PPM1L: variants seen among roughly 807,000 people sequenced by gnomAD.
PPM1L encodes protein phosphatase 1L.
A neutral mutation model predicts 31.4 loss-of-function variants in PPM1L; 13 were observed. That is an observed-to-expected ratio of 0.41 (90% CI 0.27 to 0.66). The LOEUF (loss-of-function observed/expected upper bound fraction) is 0.66. Ranked by LOEUF, PPM1L falls within the 30% of genes least tolerant of loss-of-function variation. The pLI is 0.29. For missense variants in PPM1L, 326 were observed against 453.7 expected (o/e 0.72, Z 2.56); for synonymous variants, 184 against 175.4 (o/e 1.05, Z -0.39).
rs146359556 is a variant in PPM1L at position 161,005,264 on chromosome 3, A to T, written c.574+43354A>T. Among the ~76,000 whole-genome samples, 340 of 152,186 alleles carry T rather than the reference A, an allele frequency of 2.2e-3. 2 individuals are homozygous for T. The highest frequency in any genetic ancestry group is 0.01 in the Middle Eastern group (3 of 294). On this transcript the variant is annotated intron_variant, in intron 2 of 3. Transcript: ENST00000498165. The stretch of plus-strand genomic sequence containing the variant: ...GAGTTCTAGTTTGATTGCACTGTGG[A>T]TCTTTCTAATTTATTTATTCACCCA...
intron 1 of PPM1L, among the ~76,000 whole-genome samples, chr3:160,891,795 C>T (rs1713155452): frequency 6.6e-6 from 1 of 152,198 alleles, no homozygotes; most frequent in South Asian, 2.1e-4. Context: ...GGTACATGTA[C>T]ACCATGGAAT....
chr3:160,926,093 G>T (rs1714577529), intron 1 of PPM1L, among the ~76,000 whole-genome samples: 2 of 152,050 alleles, frequency 1.3e-5, no homozygotes, highest in African/African-American at 2.4e-5. Context: ...CCTGGCAGAG[G>T]GTCTCCTTCA....
intron 2 of PPM1L, among the ~76,000 whole-genome samples, chr3:161,062,816 C>T (rs570759774): frequency 6.6e-6 from 1 of 152,284 alleles, no homozygotes; most frequent in East Asian, 1.9e-4. Context: ...CTCCCCTTCC[C>T]TCTCATGGAG....
At chr3:160,929,214 C>T (rs1303236428) in intron 1 of PPM1L, among the ~76,000 whole-genome samples, 3 of 152,118 alleles carry the variant, frequency 2.0e-5, no homozygotes, top group African/African-American at 7.2e-5. Context: ...AAGCTCCTCC[C>T]TACCCCAAAA....
chr3:160,785,850 A>G (rs1413469006), intron 1 of PPM1L, among the ~76,000 whole-genome samples: 2 of 113,686 alleles, frequency 1.8e-5, no homozygotes, highest in East Asian at 2.5e-4. Context: ...TTTTTTTTTT[A>G]CATATGTCTT....
At chr3:161,061,307 A>G (rs1719563062) in intron 2 of PPM1L, among the ~76,000 whole-genome samples, 1 of 152,114 alleles carries the variant, frequency 6.6e-6, no homozygotes, top group African/African-American at 2.4e-5. Flanking sequence ...ACCACCTATA[A>G]CTCATAACCC....
At chr3:160,766,115 G>A (rs1715095132) in intron 1 of PPM1L, among the ~76,000 whole-genome samples, 2 of 152,148 alleles carry the variant, frequency 1.3e-5, no homozygotes, top group Non-Finnish European at 2.9e-5. Context: ...TTATTGTAAT[G>A]ATAATCCCTT....
chr3:160,874,178 C>T (rs759043704), intron 1 of PPM1L, among the ~76,000 whole-genome samples: 1 of 151,994 alleles, frequency 6.6e-6, no homozygotes, highest in Admixed American at 6.5e-5. Flanking sequence ...TAGGTTCAGC[C>T]AATCACTATT....
rs574366308 is a variant in PPM1L at position 161,064,044 on chromosome 3, A to G, written c.575-1359A>G. Among the ~76,000 whole-genome samples, 29 of 152,236 alleles carry G rather than the reference A, an allele frequency of 1.9e-4. No homozygotes were observed. In the South Asian group the frequency reaches 5.8e-3, roughly 30 times the overall value. ...GGGGGTGTGGGGCAAGGGGAGGGAG[A>G]GCATTAGGACAAATACCTAATGCAT... On this transcript the variant is annotated intron_variant, in intron 2 of 3. Transcript: ENST00000498165.
chr3:160,922,375 C>T (rs1273680746), intron 1 of PPM1L, among the ~76,000 whole-genome samples: 1 of 152,052 alleles, frequency 6.6e-6, no homozygotes, highest in Non-Finnish European at 1.5e-5. Context: ...GATAGTAGAA[C>T]CCATTTTATA....
intron 1 of PPM1L, among the ~76,000 whole-genome samples, chr3:160,890,910 C>G (rs1260070779): frequency 6.6e-6 from 1 of 152,176 alleles, no homozygotes; most frequent in Non-Finnish European, 1.5e-5. Context: ...GCTAGGAAAA[C>G]TGGCCAGCCA....
chr3:160,980,434 TG>T (rs1320010999), intron 2 of PPM1L, among the ~76,000 whole-genome samples: 1 of 151,862 alleles, frequency 6.6e-6, no homozygotes, highest in Non-Finnish European at 1.5e-5. Flanking sequence ...CCCAGCACTT[TG>T]GGAGGCGTAG....
intron 1 of PPM1L, among the ~76,000 whole-genome samples, chr3:160,945,113 TTATC>T (rs58013795): frequency 0.15 from 8,658 of 59,078 alleles, 875 homozygotes; most frequent in South Asian, 0.24. Context: ...AACATATATG[TTATC>T]TATCTATCTA....
rs1719879556 is a variant in PPM1L, at chr3:161,070,669, G to C, written c.*1512G>C. 1 of 152,174 alleles carries C rather than the reference G, an allele frequency of 6.6e-6. No homozygotes were observed. The highest frequency in any genetic ancestry group is 2.4e-5 in the African/African-American group (1 of 41,428). 9.4% of individuals were successfully genotyped at this position (152,174 alleles called of 1,614,324 possible). ...AACTTCCGTTGCCTCCCAGCCCTCT[G>C]TATCCACCTGGTTTTGTTCTTTCCC... On this transcript the variant is annotated 3_prime_UTR_variant, in exon 4 of 4. Coordinates refer to ENST00000498165, the MANE Select transcript of PPM1L (RefSeq NM_139245.4).
At chr3:161,038,516 G>A (rs1367671172) in intron 2 of PPM1L, among the ~76,000 whole-genome samples, 1 of 143,508 alleles carries the variant, frequency 7.0e-6, no homozygotes, top group Non-Finnish European at 1.5e-5. Flanking sequence ...TCACTATGTT[G>A]CCCAGGCTCA....
At chr3:160,969,970 C>A (rs1447029241) in intron 2 of PPM1L, among the ~76,000 whole-genome samples, 2 of 152,076 alleles carry the variant, frequency 1.3e-5, no homozygotes, top group Admixed American at 6.5e-5. Flanking sequence ...GTATTTATTT[C>A]TTGCCATTTT....
intron 2 of PPM1L, among the ~76,000 whole-genome samples, chr3:160,975,289 T>C (rs9858121): frequency 0.28 from 42,088 of 151,702 alleles, 6,171 homozygotes; most frequent in East Asian, 0.56. Flanking sequence ...TGTAGTATAG[T>C]TTGAAGTCAG....
At chr3:161,012,310 TG>T (rs1430232149) in intron 2 of PPM1L, among the ~76,000 whole-genome samples, 1 of 152,226 alleles carries the variant, frequency 6.6e-6, no homozygotes, top group Non-Finnish European at 1.5e-5. Context: ...GTTTATATGC[TG>T]GATTCCATTT....
intron 2 of PPM1L, among the ~76,000 whole-genome samples, chr3:161,056,279 T>C (rs990948279): frequency 6.6e-6 from 1 of 152,150 alleles, no homozygotes; most frequent in Non-Finnish European, 1.5e-5. Flanking sequence ...GATATTTGAA[T>C]CTGAATCTGA....
Sources: gnomAD v4.1 joint callset for allele counts (sites outside exome capture counted in the v4.1 genomes callset) on GRCh38, gnomAD v4.1.1 for gene constraint, MANE v1.5 for transcripts, NCBI Gene and HGNC (gene_info 2026-07-23, HGNC 2026-07-21) for gene names.